Variants in THSD7B observed in about 807,000 individuals in gnomAD.
THSD7B encodes thrombospondin type-1 domain-containing protein 7B.
THSD7B carries 138 observed loss-of-function variants against 213.6 expected under a neutral mutation model. The ratio of observed to expected loss-of-function variants is 0.65; its 90% confidence interval spans 0.56 to 0.74. THSD7B has a LOEUF of 0.74. Ranked by LOEUF, THSD7B falls within the 30% of genes least tolerant of loss-of-function variation. The probability of loss-of-function intolerance (pLI) is 0.00; values close to 1 mark genes in which losing one functional copy is unlikely to be tolerated. For missense variants in THSD7B, 1,931 were observed against 1,991.5 expected (o/e 0.97, Z 0.58); for synonymous variants, 742 against 687.0 (o/e 1.08, Z -1.25).
intron 5 of THSD7B, among the ~76,000 whole-genome samples, chr2:137,132,771 G>T (rs1688764348): frequency 6.6e-6 from 1 of 152,154 alleles, no homozygotes; most frequent in Non-Finnish European, 1.5e-5. Context: ...CTAGTGATAA[G>T]TAATTCATTG....
chr2:136,982,909 G>A (rs1685606650), intron 2 of THSD7B, among the ~76,000 whole-genome samples: 1 of 151,958 alleles, frequency 6.6e-6, no homozygotes, highest in South Asian at 2.1e-4. Flanking sequence ...CAAAAATTAT[G>A]CATTATTTTC....
chr2:137,652,746 C>G (rs988732811), intron 21 of THSD7B, among the ~76,000 whole-genome samples: 4 of 152,110 alleles, frequency 2.6e-5, no homozygotes, highest in African/African-American at 4.8e-5. Context: ...TACCACGAAG[C>G]TTACAAAAAT....
At chr2:137,549,359 G>A (rs556233206) in intron 15 of THSD7B, among the ~76,000 whole-genome samples, 8 of 97,988 alleles carry the variant, frequency 8.2e-5, no homozygotes, top group African/African-American at 1.7e-4. Context: ...AAAGTTTTCC[G>A]TTTTCACCTG....
intron 21 of THSD7B, among the ~76,000 whole-genome samples, chr2:137,646,147 C>T (rs1013495494): frequency 5.3e-5 from 8 of 152,166 alleles, no homozygotes; most frequent in Admixed American, 2.0e-4. Context: ...GTGCCTCCTC[C>T]TCCAAACTCA....
intron 7 of THSD7B, among the ~76,000 whole-genome samples, chr2:137,218,543 C>A (rs111836293): frequency 3.5e-4 from 9 of 25,500 alleles, no homozygotes; most frequent in Non-Finnish European, 7.3e-4. Flanking sequence ...ACGGTTTGTT[C>A]TTCTTTAGAA....
intron 15 of THSD7B, among the ~76,000 whole-genome samples, chr2:137,486,039 T>A (rs1303973898): frequency 6.6e-6 from 1 of 152,068 alleles, no homozygotes; most frequent in South Asian, 2.1e-4. Context: ...CGCTGCAAAA[T>A]CATGCCAAAT....
At chr2:137,075,133 G>A (rs1368998626) in intron 3 of THSD7B, among the ~76,000 whole-genome samples, 3 of 152,172 alleles carry the variant, frequency 2.0e-5, no homozygotes, top group Non-Finnish European at 4.4e-5. Flanking sequence ...ATGTTGGCCT[G>A]CTGTGCCAGA....
chr2:137,105,831 C>T (rs1358794987), intron 4 of THSD7B, among the ~76,000 whole-genome samples: 1 of 152,134 alleles, frequency 6.6e-6, no homozygotes. Context: ...AGGAATACAA[C>T]TTACAATGGA....
chr2:137,396,986 C>G (rs1425389876), intron 12 of THSD7B, among the ~76,000 whole-genome samples: 1 of 140,098 alleles, frequency 7.1e-6, no homozygotes, highest in African/African-American at 2.6e-5. Context: ...AGGATTGCAA[C>G]CCCTGCCTTT....
At chr2:137,551,039 C>T (rs989025663) in intron 15 of THSD7B, among the ~76,000 whole-genome samples, 29 of 150,992 alleles carry the variant, frequency 1.9e-4, no homozygotes, top group Middle Eastern at 3.4e-3. Flanking sequence ...AAAAAGCAAC[C>T]GAATCATTGA....
intron 10 of THSD7B, among the ~76,000 whole-genome samples, chr2:137,250,074 T>C (rs78381526): frequency 0.036 from 5,445 of 152,306 alleles, 183 homozygotes; most frequent in Middle Eastern, 0.099. Context: ...CTACATTGTC[T>C]GTCCTGGTGC....
Position 137,163,443 on chromosome 2 carries a change from G to T in THSD7B, c.1525+3075G>T, listed in dbSNP as rs997095382. Among the ~76,000 whole-genome samples the T allele has an allele frequency of 3.9e-5, 6 of 152,228 alleles. No homozygotes were observed. In the South Asian group the frequency reaches 1.2e-3, roughly 31 times the overall value. Reference sequence around the variant, plus strand: ...ATTTGGGCATAGTGACATACACAGAGAGGAGAGTGCCATGTGAGGACATTG... The same window carrying T: ...ATTTGGGCATAGTGACATACACAGATAGGAGAGTGCCATGTGAGGACATTG... On this transcript the variant is annotated intron_variant, in intron 6 of 27. Coordinates refer to ENST00000409968, the MANE Select transcript of THSD7B (RefSeq NM_001316349.2).
chr2:136,833,724 T>C lies in THSD7B; in HGVS notation c.-35-48420T>C, dbSNP rs115225201. On this transcript the variant is annotated intron_variant, in intron 1 of 27. Coordinates refer to ENST00000409968, the MANE Select transcript of THSD7B (RefSeq NM_001316349.2). ...AAGTGCAAAAGGTCAAGTAGAATAA[T>C]TTAGACCATCATTAAGCGTCTTTCT... Among the ~76,000 whole-genome samples, 716 of 152,298 alleles carry C rather than the reference T, an allele frequency of 4.7e-3. 12 individuals are homozygous for C. The highest frequency in any genetic ancestry group is 0.016 in the African/African-American group (678 of 41,564).
At chr2:137,550,604 G>A (rs1392801516) in intron 15 of THSD7B, among the ~76,000 whole-genome samples, 1 of 152,096 alleles carries the variant, frequency 6.6e-6, no homozygotes, top group Non-Finnish European at 1.5e-5. Flanking sequence ...TGTGTAGTGG[G>A]AAGGGGCACT....
At position 137,642,496 on chromosome 2, in the gene THSD7B, A is replaced by T; in HGVS notation, c.3808A>T (p.Ser1270Cys). 1 of 1,613,842 alleles carries T rather than the reference A, an allele frequency of 6.2e-7. No homozygotes were observed. The highest frequency in any genetic ancestry group is 8.5e-7 in the Non-Finnish European group (1 of 1,179,818). The change falls in exon 21 of 28, where the codon AGC (serine) becomes TGC (cysteine). Residue 1270 changes from serine (S) to cysteine (C), a missense_variant. Ser to Cys is a moderately radical substitution (Grantham distance 112). Transcript: ENST00000409968. ...CTCCCTTATCATTTTAGGTCGAATGAGCCGGACTCGATTTATCATTATGCC... is the reference window on the plus strand; with the variant it reads ...CTCCCTTATCATTTTAGGTCGAATGTGCCGGACTCGATTTATCATTATGCC... ...SQTCGHGGRM[S>C]RTRFIIMPTQ...
At chr2:137,421,506 G>A (rs931923498) in intron 14 of THSD7B, among the ~76,000 whole-genome samples, 1 of 152,180 alleles carries the variant, frequency 6.6e-6, no homozygotes, top group Non-Finnish European at 1.5e-5. Flanking sequence ...GGATACAGAT[G>A]AAGAGACAAG....
intron 27 of THSD7B, among the ~76,000 whole-genome samples, chr2:137,672,529 T>G (rs1683599815): frequency 6.6e-6 from 1 of 152,236 alleles, no homozygotes; most frequent in African/African-American, 2.4e-5. Flanking sequence ...ACAGACCTAT[T>G]GTTATAAAAA....
intron 9 of THSD7B, among the ~76,000 whole-genome samples, chr2:137,237,729 G>T (rs1440432903): frequency 6.6e-6 from 1 of 152,186 alleles, no homozygotes; most frequent in Non-Finnish European, 1.5e-5. Context: ...TATTTTTGAA[G>T]ACTATGAGAA....
At chr2:136,912,069 T>G (rs1684268062) in intron 2 of THSD7B, among the ~76,000 whole-genome samples, 1 of 151,920 alleles carries the variant, frequency 6.6e-6, no homozygotes. Flanking sequence ...TCCCAGCACT[T>G]TGGGAGGCCA....
Sources: allele counts gnomAD v4.1 joint callset (sites outside exome capture counted in the v4.1 genomes callset), GRCh38; gene constraint gnomAD v4.1.1; transcripts MANE v1.5; gene names NCBI Gene and HGNC (gene_info 2026-07-23, HGNC 2026-07-21).